Variants in WDR70 observed in about 807,000 individuals in gnomAD.
The protein encoded by WDR70 is WD repeat domain 70, also known as WD repeat-containing protein 70.
A neutral mutation model predicts 88.6 loss-of-function variants in WDR70; 53 were observed. The ratio of observed to expected loss-of-function variants is 0.60; its 90% confidence interval spans 0.48 to 0.75. The LOEUF (loss-of-function observed/expected upper bound fraction) is 0.75. Among genes scored for constraint, WDR70 ranks in the 30% least tolerant of loss-of-function variants. The pLI is 0.00. For missense variants in WDR70, 610 were observed against 823.2 expected (o/e 0.74, Z 3.17); for synonymous variants, 280 against 270.0 (o/e 1.04, Z -0.36).
At chr5:37,675,867 C>T (rs915747532) in intron 10 of WDR70, among the ~76,000 whole-genome samples, 3 of 152,144 alleles carry the variant, frequency 2.0e-5, no homozygotes, top group African/African-American at 7.2e-5. Context: ...TACCCATGAG[C>T]ATGGAATGTT....
intron 8 of WDR70, among the ~76,000 whole-genome samples, chr5:37,480,231 G>A (rs993943014): frequency 1.1e-4 from 16 of 152,126 alleles, no homozygotes; most frequent in African/African-American, 3.4e-4. Flanking sequence ...CTGCTCCATG[G>A]CATCTCTCTG....
intron 10 of WDR70, among the ~76,000 whole-genome samples, chr5:37,684,169 G>A (rs1302350482): frequency 1.3e-5 from 2 of 152,072 alleles, no homozygotes; most frequent in African/African-American, 4.8e-5. Context: ...TGAAATTCTT[G>A]TAGTATTTTG....
intron 5 of WDR70, among the ~76,000 whole-genome samples, chr5:37,398,011 A>G (rs1299576839): frequency 4.0e-5 from 6 of 151,116 alleles, no homozygotes; most frequent in African/African-American, 7.3e-5. Context: ...AAAAAAAGAT[A>G]TAATCTCCAA....
intron 10 of WDR70, among the ~76,000 whole-genome samples, chr5:37,611,795 T>TAA (rs1410864661): frequency 1.8e-4 from 24 of 135,680 alleles, no homozygotes; most frequent in African/African-American, 6.6e-4. Flanking sequence ...TTTTTTTTTT[T>TAA]TAAAAAAAAA....
chr5:37,384,696 T>C (rs1748550297), intron 3 of WDR70, among the ~76,000 whole-genome samples: 1 of 145,978 alleles, frequency 6.9e-6, no homozygotes, highest in African/African-American at 2.5e-5. Flanking sequence ...AATTTCACCA[T>C]GTTGTCCAGG....
intron 8 of WDR70, among the ~76,000 whole-genome samples, chr5:37,495,555 T>C (rs1160993573): frequency 3.4e-4 from 52 of 152,150 alleles, no homozygotes; most frequent in Non-Finnish European, 1.5e-5. Flanking sequence ...TCTCAAAGTA[T>C]AGCATATTAT....
rs552200998 is a variant in WDR70, at chr5:37,386,173, A to G, written c.175+4488A>G. Among the ~76,000 whole-genome samples the G allele has an allele frequency of 3.3e-4, 50 of 152,106 alleles. No individual in the cohort carries two copies. In the South Asian group the frequency reaches 0.01, roughly 32 times the overall value. ...TCAAAAAACAATTTTAATATCCTCA[A>G]ACGATGGACAAAGACATGCTATCTG... On this transcript the variant is annotated intron_variant, in intron 3 of 17. Coordinates refer to ENST00000265107, the MANE Select transcript of WDR70 (RefSeq NM_018034.4).
At chr5:37,536,544 A>C (rs1472510782) in intron 9 of WDR70, among the ~76,000 whole-genome samples, 1 of 152,130 alleles carries the variant, frequency 6.6e-6, no homozygotes, top group African/African-American at 2.4e-5. Flanking sequence ...AAAAGCACTC[A>C]GAAAGTTACA....
intron 9 of WDR70, among the ~76,000 whole-genome samples, chr5:37,545,128 A>G (rs973899023): frequency 6.6e-6 from 1 of 152,180 alleles, no homozygotes; most frequent in Non-Finnish European, 1.5e-5. Context: ...ACCTATTTAT[A>G]GCTTTTGAGT....
intron 10 of WDR70, among the ~76,000 whole-genome samples, chr5:37,670,534 A>G (rs1295050722): frequency 3.3e-5 from 5 of 152,202 alleles, no homozygotes; most frequent in Admixed American, 3.3e-4. Flanking sequence ...GTAACTCATT[A>G]AATTTTCCCA....
intron 5 of WDR70, among the ~76,000 whole-genome samples, chr5:37,426,399 A>G (rs1750124690): frequency 6.6e-6 from 1 of 152,214 alleles, no homozygotes; most frequent in Non-Finnish European, 1.5e-5. Flanking sequence ...ATCTACTTCT[A>G]TGTAACAAAC....
At chr5:37,602,218 A>G (rs774819983) in intron 9 of WDR70, among the ~76,000 whole-genome samples, 25 of 151,942 alleles carry the variant, frequency 1.6e-4, no homozygotes, top group Non-Finnish European at 3.1e-4. Flanking sequence ...TAAAGTATAT[A>G]TATATAAAAA....
intron 15 of WDR70, chr5:37,723,242 T>A (rs1308536886): frequency 7.3e-6 from 2 of 275,242 alleles, no homozygotes; most frequent in Non-Finnish European, 6.8e-6. Flanking sequence ...CAAGAAAGAG[T>A]GCTGGTCTTG....
intron 8 of WDR70, among the ~76,000 whole-genome samples, chr5:37,512,385 C>T (rs1740746813): frequency 6.6e-6 from 1 of 152,054 alleles, no homozygotes; most frequent in Non-Finnish European, 1.5e-5. Context: ...CCACACGTGG[C>T]TAATTTTTGT....
chr5:37,591,843 AT>A (rs1379514897), intron 9 of WDR70, among the ~76,000 whole-genome samples: 1 of 152,260 alleles, frequency 6.6e-6, no homozygotes. Context: ...ATTAAGTCAT[AT>A]TTAAACCAAG....
intron 9 of WDR70, among the ~76,000 whole-genome samples, chr5:37,603,856 G>A (rs6892758): frequency 0.46 from 70,418 of 151,734 alleles, 17,923 homozygotes; most frequent in Non-Finnish European, 0.58. Context: ...TACATCTTTA[G>A]CATATCAAAT....
intron 6 of WDR70, among the ~76,000 whole-genome samples, chr5:37,440,352 C>CTT (rs397747138): frequency 6.8e-6 from 1 of 147,320 alleles, no homozygotes; most frequent in African/African-American, 2.5e-5. Flanking sequence ...GAACAAGACA[C>CTT]TTTTTTTTTT....
chr5:37,506,013 C>G (rs901374260), intron 8 of WDR70: 19 of 1,577,576 alleles, frequency 1.2e-5, no homozygotes, highest in Non-Finnish European at 1.7e-5. Context: ...TGCATTAGAA[C>G]AGAGCATCTT....
intron 9 of WDR70, among the ~76,000 whole-genome samples, chr5:37,530,669 T>G (rs987098525): frequency 6.6e-6 from 1 of 152,024 alleles, no homozygotes; most frequent in East Asian, 1.9e-4. Context: ...TTTTTTCTAA[T>G]TGTGCTTATT....
Sources: gnomAD v4.1 joint callset for allele counts (sites outside exome capture counted in the v4.1 genomes callset) on GRCh38, gnomAD v4.1.1 for gene constraint, MANE v1.5 for transcripts, NCBI Gene and HGNC (gene_info 2026-07-23, HGNC 2026-07-21) for gene names.